Variants in IL1RAPL2 observed in about 807,000 individuals in gnomAD.
The protein encoded by IL1RAPL2 is interleukin 1 receptor accessory protein like 2.
A neutral mutation model predicts 44.1 loss-of-function variants in IL1RAPL2; 3 were observed. The ratio of observed to expected loss-of-function variants is 0.07; its 90% confidence interval spans 0.03 to 0.18. The LOEUF (loss-of-function observed/expected upper bound fraction) is 0.18, where lower values mean the gene tolerates loss of function less well. IL1RAPL2 is among the 10% of genes least tolerant of loss of function. The probability of loss-of-function intolerance (pLI) is 1.00; values close to 1 mark genes in which losing one functional copy is unlikely to be tolerated. For missense variants in IL1RAPL2, 391 were observed against 496.4 expected (o/e 0.79, Z 2.02); for synonymous variants, 181 against 178.8 (o/e 1.01, Z -0.10).
intron 4 of IL1RAPL2, among the ~76,000 whole-genome samples, chrX:105,244,602 A>G (rs900273903): frequency 9.0e-6 from 1 of 111,387 alleles, no homozygotes; most frequent in Non-Finnish European, 1.9e-5. Flanking sequence ...CTTAACCACG[A>G]TCCCCAGTTG....
intron 2 of IL1RAPL2, among the ~76,000 whole-genome samples, chrX:104,889,804 CT>C (rs141537028): frequency 0.37 from 40,569 of 110,250 alleles, 5,877 homozygotes; most frequent in East Asian, 0.46. Context: ...CCCAAATAGA[CT>C]TTTTTTTATT....
At chrX:105,284,269 T>G (rs946311914) in intron 5 of IL1RAPL2, among the ~76,000 whole-genome samples, 1 of 112,272 alleles carries the variant, frequency 8.9e-6, no homozygotes, top group Admixed American at 9.5e-5. Context: ...CCCATTCCAT[T>G]TCCACACATT....
chrX:105,549,505 G>A (rs1218754433), intron 6 of IL1RAPL2, among the ~76,000 whole-genome samples: 3 of 110,995 alleles, frequency 2.7e-5, no homozygotes, highest in Non-Finnish European at 3.8e-5. Context: ...CTCCCTTCAC[G>A]GTTTGTCTTG....
intron 1 of IL1RAPL2, among the ~76,000 whole-genome samples, chrX:104,582,822 C>CTTTCTCTCTCTT (rs748809592): frequency 2.5e-5 from 1 of 40,663 alleles, no homozygotes; most frequent in African/African-American, 1.1e-4. Context: ...TCCTTTCTTT[C>CTTTCTCTCTCTT]TCTTTCTTTC....
chrX:105,297,380 G>C (rs936736683), intron 5 of IL1RAPL2, among the ~76,000 whole-genome samples: 4 of 111,857 alleles, frequency 3.6e-5, no homozygotes, highest in Non-Finnish European at 7.5e-5. Context: ...TTTAAGCGGG[G>C]TGTTTTAGTC....
intron 6 of IL1RAPL2, among the ~76,000 whole-genome samples, chrX:105,644,157 C>T (rs1186315613): frequency 8.9e-6 from 1 of 111,793 alleles, no homozygotes; most frequent in East Asian, 2.8e-4. Context: ...TCCCAAATTG[C>T]TGGGATTACA....
intron 1 of IL1RAPL2, among the ~76,000 whole-genome samples, chrX:104,629,064 C>A (rs891034964): frequency 1.8e-5 from 2 of 111,695 alleles, no homozygotes; most frequent in Admixed American, 1.9e-4. Flanking sequence ...ATGGAAAAAT[C>A]TATCTATGCA....
At chrX:105,471,546 G>A (rs1014270376) in intron 5 of IL1RAPL2, among the ~76,000 whole-genome samples, 1 of 109,834 alleles carries the variant, frequency 9.1e-6, no homozygotes, top group African/African-American at 3.3e-5. Flanking sequence ...GCTGTCCCAG[G>A]AACTGAATTC....
chrX:105,257,611 G>T (rs1335427168), intron 4 of IL1RAPL2, among the ~76,000 whole-genome samples: 3 of 111,835 alleles, frequency 2.7e-5, no homozygotes, highest in Non-Finnish European at 5.6e-5. Flanking sequence ...TATGAATCTG[G>T]GTTCCCCCGT....
Position 105,670,143 on chromosome X carries a change from ATAT to A in IL1RAPL2, c.773-47223_773-47221del, listed in dbSNP as rs1211012860. On this transcript the variant is annotated intron_variant, in intron 6 of 10. Coordinates refer to ENST00000372582, the MANE Select transcript of IL1RAPL2 (RefSeq NM_017416.2). ...TATATATATATATATATATATATAT[ATAT>A]ATCTCCACCAGACCACACAGTCTTG... Among the ~76,000 whole-genome samples, 53 of 53,552 alleles carry A rather than the reference ATAT, an allele frequency of 9.9e-4. 6 individuals carry two copies. Among genetic ancestry groups the A allele is most frequent in the African/African-American group, 1.8e-3 (25 of 14,273 alleles). The allele number at this position is 53,552 out of a possible 115,157, so 46.5% of individuals were successfully genotyped here. A position where few individuals can be genotyped will look rare whatever the true frequency, so the allele number is the denominator to read the frequency against.
chrX:105,668,782 T>C (rs1401503821), intron 6 of IL1RAPL2, among the ~76,000 whole-genome samples: 1 of 111,823 alleles, frequency 8.9e-6, no homozygotes, highest in Non-Finnish European at 1.9e-5. Flanking sequence ...TGTTTGAATA[T>C]CTAATAAGAG....
chrX:104,576,095 C>T (rs1462260963), intron 1 of IL1RAPL2, among the ~76,000 whole-genome samples: 1 of 111,429 alleles, frequency 9.0e-6, no homozygotes, highest in East Asian at 2.8e-4. Flanking sequence ...CTTAGTACAG[C>T]TTTATATGTA....
intron 1 of IL1RAPL2, among the ~76,000 whole-genome samples, chrX:104,637,890 T>G (rs1198358074): frequency 9.1e-6 from 1 of 110,257 alleles, no homozygotes; most frequent in Non-Finnish European, 1.9e-5. Flanking sequence ...TGGAATGAGT[T>G]AGGGAGTATT....
At chrX:105,663,305 A>G (rs1278578077) in intron 6 of IL1RAPL2, among the ~76,000 whole-genome samples, 1 of 112,328 alleles carries the variant, frequency 8.9e-6, no homozygotes, top group East Asian at 2.8e-4. Flanking sequence ...TATATTACGA[A>G]AAGTTAAAAT....
At chrX:104,674,633 C>T (rs1930703051) in intron 2 of IL1RAPL2, among the ~76,000 whole-genome samples, 2 of 110,552 alleles carry the variant, frequency 1.8e-5, no homozygotes, top group African/African-American at 6.6e-5. Context: ...GGGAGGATTC[C>T]CTCTTTTTCT....
chrX:104,916,112 A>G (rs1924419149), intron 2 of IL1RAPL2, among the ~76,000 whole-genome samples: 1 of 111,699 alleles, frequency 9.0e-6, no homozygotes, highest in Non-Finnish European at 1.9e-5. Flanking sequence ...GAAGAAAGTC[A>G]TTGGTAGCTT....
chrX:105,228,223 G>A (rs1399404890), intron 3 of IL1RAPL2, among the ~76,000 whole-genome samples: 2 of 112,175 alleles, frequency 1.8e-5, no homozygotes, highest in Non-Finnish European at 3.8e-5. Context: ...AATTTACAAG[G>A]AAAGTATTTT....
At chrX:105,153,748 C>A (rs2033247348) in intron 2 of IL1RAPL2, among the ~76,000 whole-genome samples, 1 of 111,645 alleles carries the variant, frequency 9.0e-6, no homozygotes, top group Admixed American at 9.5e-5. Flanking sequence ...TCCTGATTGG[C>A]AATTGGTTGA....
intron 2 of IL1RAPL2, among the ~76,000 whole-genome samples, chrX:104,807,340 G>A (rs1932929738): frequency 9.0e-6 from 1 of 111,300 alleles, no homozygotes; most frequent in Admixed American, 9.6e-5. Flanking sequence ...AATAGGTGAG[G>A]GGAAGCTCAC....
Sources: gnomAD v4.1 joint callset for allele counts (sites outside exome capture counted in the v4.1 genomes callset) on GRCh38, gnomAD v4.1.1 for gene constraint, MANE v1.5 for transcripts, NCBI Gene and HGNC (gene_info 2026-07-23, HGNC 2026-07-21) for gene names.